CNNM2: variants seen among roughly 807,000 people sequenced by gnomAD.
CNNM2 encodes cyclin and CBS domain divalent metal cation transport mediator 2.
Under a neutral mutation model 66.9 loss-of-function variants are expected in CNNM2, and 12 were observed. The ratio of observed to expected loss-of-function variants is 0.18; its 90% CI spans 0.11 to 0.29. The LOEUF is 0.29. Ranked by LOEUF, CNNM2 falls within the 10% of genes least tolerant of loss-of-function variation. The probability of loss-of-function intolerance (pLI) is 1.00; values close to 1 mark genes in which losing one functional copy is unlikely to be tolerated. For synonymous variants in CNNM2, 557 were observed against 501.8 expected (o/e 1.11, Z -1.47); for missense variants, 705 against 1,167.7 (o/e 0.60, Z 5.77).
In CNNM2 at chr10:103,082,289, CAGATTCACCCTGA is replaced by C. The variant is rs758586462; in HGVS notation, c.*5113_*5125del. 5.3e-5 allele frequency: 8 copies of C among 152,238 alleles called. No individual in the cohort carries two copies. Among genetic ancestry groups the C allele is most frequent in the Admixed American group, 2.0e-4 (3 of 15,284 alleles). 9.4% of individuals were successfully genotyped at this position (152,238 alleles called of 1,614,324 possible). A position where few individuals can be genotyped will look rare whatever the true frequency, so the allele number is the denominator to read the frequency against. On this transcript the variant is annotated 3_prime_UTR_variant, in exon 8 of 8. Coordinates refer to ENST00000369878, the MANE Select transcript of CNNM2 (RefSeq NM_017649.5). The stretch of plus-strand genomic sequence containing the variant: ...GTTCTTTGGGGGCCAGATTTGGCTG[CAGATTCACCCTGA>C]AGAGAACTATCCAATGGGCCTGGTG...
intron 1 of CNNM2, among the ~76,000 whole-genome samples, chr10:103,022,111 A>C (rs1162717141): frequency 5.9e-5 from 9 of 152,200 alleles, no homozygotes; most frequent in Admixed American, 5.2e-4. Context: ...CTTCTTATAT[A>C]AACAGACCTG....
chr10:102,960,699 G>C (rs1304647101), intron 1 of CNNM2, among the ~76,000 whole-genome samples: 2 of 151,394 alleles, frequency 1.3e-5, no homozygotes, highest in African/African-American at 4.9e-5. Flanking sequence ...GGCTCACTGT[G>C]GCCTTGACCT....
At chr10:102,942,964 C>T (rs1741255053) in intron 1 of CNNM2, among the ~76,000 whole-genome samples, 1 of 152,132 alleles carries the variant, frequency 6.6e-6, no homozygotes, top group Admixed American at 6.5e-5. Context: ...CTGGTTCACG[C>T]CTGTGATCCC....
At chr10:103,031,047 T>G (rs920057471) in intron 1 of CNNM2, among the ~76,000 whole-genome samples, 1 of 152,144 alleles carries the variant, frequency 6.6e-6, no homozygotes, top group African/African-American at 2.4e-5. Flanking sequence ...TTTTAGGGTT[T>G]TCAGTCTGTG....
intron 1 of CNNM2, among the ~76,000 whole-genome samples, chr10:103,046,751 T>C (rs1288122598): frequency 6.6e-6 from 1 of 152,250 alleles, no homozygotes; most frequent in Non-Finnish European, 1.5e-5. Context: ...ATTCAGTCTG[T>C]GCAGTATACT....
intron 1 of CNNM2, among the ~76,000 whole-genome samples, chr10:102,994,321 G>A (rs1296699702): frequency 2.0e-5 from 3 of 152,170 alleles, no homozygotes; most frequent in African/African-American, 7.2e-5. Flanking sequence ...AAGCAGGAGA[G>A]GTTTACCATA....
In CNNM2 at chr10:103,052,352, AC is replaced by A. The variant is rs540307740; in HGVS notation, c.1766-1975del. Reference sequence around the variant, plus strand: ...TTCTGTTTGCCCAGGGGTAGTACTTACCATTAGGAAGGCGATTTACCATTTA... The same window carrying A: ...TTCTGTTTGCCCAGGGGTAGTACTTACATTAGGAAGGCGATTTACCATTTA... On this transcript the variant is annotated intron_variant, in intron 2 of 7. Transcript: ENST00000369878. Among the ~76,000 whole-genome samples the A allele has an allele frequency of 3.5e-3, 533 of 151,266 alleles. 3 individuals are homozygous for A. Among genetic ancestry groups the A allele is most frequent in the African/African-American group, 0.013 (520 of 41,260 alleles).
At chr10:103,029,020 C>T (rs1451215939) in intron 1 of CNNM2, among the ~76,000 whole-genome samples, 2 of 151,592 alleles carry the variant, frequency 1.3e-5, no homozygotes, top group Non-Finnish European at 2.9e-5. Flanking sequence ...CGAGGTTCCA[C>T]CATGTTGGCC....
intron 1 of CNNM2, among the ~76,000 whole-genome samples, chr10:103,016,014 T>G (rs2064440544): frequency 6.6e-6 from 1 of 152,156 alleles, no homozygotes; most frequent in Admixed American, 6.5e-5. Context: ...TAAGTACCAT[T>G]AAGACTGATG....
In CNNM2 at chr10:103,080,228, G is replaced by C. The variant is rs1425852893; in HGVS notation, c.*3048G>C. On this transcript the variant is annotated 3_prime_UTR_variant, in exon 8 of 8. Transcript: ENST00000369878. ...CTCTGGGTGGGACAGAGCCTCACCT[G>C]CTCCTGAGCAGCCACTGGTGCCCCA... The C allele has an allele frequency of 6.6e-6, 1 of 152,272 alleles. No homozygotes were observed. Among genetic ancestry groups the C allele is most frequent in the African/African-American group, 2.4e-5 (1 of 41,438 alleles). 9.4% of individuals were successfully genotyped at this position (152,272 alleles called of 1,614,324 possible). A position where few individuals can be genotyped will look rare whatever the true frequency, so the allele number is the denominator to read the frequency against.
chr10:103,057,801 C>G (rs936430633), intron 4 of CNNM2, among the ~76,000 whole-genome samples: 1 of 152,212 alleles, frequency 6.6e-6, no homozygotes, highest in African/African-American at 2.4e-5. Context: ...ATTACAGCCT[C>G]TTACAGCAGA....
intron 6 of CNNM2, among the ~76,000 whole-genome samples, chr10:103,074,276 G>A (rs1347058978): frequency 6.6e-6 from 1 of 151,804 alleles, no homozygotes; most frequent in Admixed American, 6.6e-5. Flanking sequence ...TGACGAGAGG[G>A]AGACTGTCTC....
intron 1 of CNNM2, among the ~76,000 whole-genome samples, chr10:102,936,694 T>C (rs971416748): frequency 6.6e-6 from 1 of 152,202 alleles, no homozygotes; most frequent in Admixed American, 6.5e-5. Context: ...ATACATACAT[T>C]AACCTGCAAC....
chr10:102,949,818 T>C (rs1413231426), intron 1 of CNNM2, among the ~76,000 whole-genome samples: 2 of 151,904 alleles, frequency 1.3e-5, no homozygotes, highest in South Asian at 2.1e-4. Flanking sequence ...ATAATAATAA[T>C]AACAACAACA....
intron 1 of CNNM2, among the ~76,000 whole-genome samples, chr10:103,046,950 C>T (rs1025557415): frequency 1.3e-5 from 2 of 152,136 alleles, no homozygotes; most frequent in African/African-American, 4.8e-5. Flanking sequence ...GACCTTTGGA[C>T]TCTTACATTA....
rs1307518396 is a variant in CNNM2, at chr10:103,076,143, G to A, written c.2291G>A (p.Arg764Gln). The A allele has an allele frequency of 3.1e-6, 5 of 1,610,146 alleles. No homozygotes were observed. The highest frequency in any genetic ancestry group is 4.2e-6 in the Non-Finnish European group (5 of 1,178,440). ...TTGAATCACTCAGACTCTCTCAGTCGAAGCGACCGGATTGACGCCGTCACA... is the reference window on the plus strand; with the variant it reads ...TTGAATCACTCAGACTCTCTCAGTCAAAGCGACCGGATTGACGCCGTCACA... ...CGLNHSDSLSRSDRIDAVTPT... is the reference protein window; with the variant it reads ...CGLNHSDSLSQSDRIDAVTPT... Residue 764 changes from arginine (R) to glutamine (Q), a missense_variant, in exon 7 of 8, where the codon CGA becomes CAA. This residue lies in a region of CNNM2 where 194 missense variants were observed against 227.6 expected (regional missense o/e 0.85). Coordinates refer to ENST00000369878, the MANE Select transcript of CNNM2 (RefSeq NM_017649.5).
intron 4 of CNNM2, among the ~76,000 whole-genome samples, chr10:103,058,267 T>G (rs2065327315): frequency 2.0e-5 from 3 of 152,248 alleles, no homozygotes; most frequent in Non-Finnish European, 1.5e-5. Flanking sequence ...CTTGTAACTC[T>G]GAGTGCACTG....
intron 1 of CNNM2, among the ~76,000 whole-genome samples, chr10:102,929,894 T>G (rs576269499): frequency 1.3e-5 from 2 of 152,352 alleles, no homozygotes; most frequent in South Asian, 2.1e-4. Flanking sequence ...TAACACTGAT[T>G]GCATAAAAAG....
intron 1 of CNNM2, among the ~76,000 whole-genome samples, chr10:103,046,897 A>G (rs7094843): frequency 6.6e-6 from 1 of 151,996 alleles, no homozygotes; most frequent in Non-Finnish European, 1.5e-5. Context: ...ATAGTAATTT[A>G]TTAAAGGTTA....
Sources: allele counts gnomAD v4.1 joint callset (sites outside exome capture counted in the v4.1 genomes callset), GRCh38; gene constraint gnomAD v4.1.1; regional missense constraint gnomAD v4.1.1; transcripts MANE v1.5; gene names NCBI Gene and HGNC (gene_info 2026-07-23, HGNC 2026-07-21).